The following MAST4 variants were observed in gnomAD, a reference collection of about 807,000 sequenced individuals.
MAST4 encodes the protein microtubule associated serine/threonine kinase family member 4, also known as microtubule-associated serine/threonine-protein kinase 4.
MAST4 carries 89 observed loss-of-function variants against 162.7 expected under a neutral mutation model. The observed-to-expected ratio is 0.55, with a 90% CI of 0.46 to 0.65. The LOEUF is 0.65. Ranked by LOEUF, MAST4 falls within the 30% of genes least tolerant of loss-of-function variation. The pLI is 0.00. For synonymous variants in MAST4, 1,479 were observed against 1,361.1 expected (o/e 1.09, Z -1.91); for missense variants, 3,153 against 3,374.0 (o/e 0.93, Z 1.62).
At chr5:67,056,548 C>T (rs1341936616) in intron 5 of MAST4, among the ~76,000 whole-genome samples, 8 of 152,106 alleles carry the variant, frequency 5.3e-5, no homozygotes, top group African/African-American at 9.7e-5. Context: ...AATATTGAGA[C>T]GACAGAACGT....
intron 1 of MAST4, among the ~76,000 whole-genome samples, chr5:66,607,795 A>G (rs1399823894): frequency 6.6e-6 from 1 of 152,208 alleles, no homozygotes; most frequent in Non-Finnish European, 1.5e-5. Context: ...ATTACAAAAT[A>G]TTACCTTTAA....
chr5:66,721,687 G>A (rs545951658), intron 1 of MAST4, among the ~76,000 whole-genome samples: 1 of 150,108 alleles, frequency 6.7e-6, no homozygotes, highest in Admixed American at 6.7e-5. Context: ...GATCTCTCAC[G>A]AACTCCAGAT....
intron 1 of MAST4, among the ~76,000 whole-genome samples, chr5:66,653,030 C>G (rs894118474): frequency 6.6e-6 from 1 of 152,168 alleles, no homozygotes; most frequent in Non-Finnish European, 1.5e-5. Flanking sequence ...CATAACTTTT[C>G]AAAAGGGCAG....
rs1764470436 is a variant in MAST4 at position 67,096,348 on chromosome 5, A to T, written c.912+673A>T. Among the ~76,000 whole-genome samples, 2 of 152,178 alleles carry T rather than the reference A, an allele frequency of 1.3e-5. 1 individual carries two copies. Among genetic ancestry groups the T allele is most frequent in the South Asian group, 4.1e-4 (2 of 4,834 alleles). ...GTTTTTTTAGTTTATGTTAGTGATC[A>T]TGTGGGATAACTGTATCTGCAGGGC... is the stretch of plus-strand genomic sequence containing the variant. On this transcript the variant is annotated intron_variant, in intron 7 of 28. Coordinates refer to ENST00000403625, the MANE Select transcript of MAST4 (RefSeq NM_001164664.2).
At chr5:66,815,820 C>G (rs1053733605) in intron 3 of MAST4, among the ~76,000 whole-genome samples, 3 of 152,202 alleles carry the variant, frequency 2.0e-5, no homozygotes, top group Middle Eastern at 3.2e-3. Flanking sequence ...GTACAATTAA[C>G]AGGCTCCTCA....
intron 3 of MAST4, among the ~76,000 whole-genome samples, chr5:66,881,659 G>T (rs151251053): frequency 6.6e-6 from 1 of 152,314 alleles, no homozygotes; most frequent in African/African-American, 2.4e-5. Context: ...AATTTGCCAA[G>T]ATAGGATTAG....
chr5:67,102,469 T>TC, intron 8 of MAST4, 67 bp from the exon 9 acceptor site: 1 of 1,406,078 alleles, frequency 7.1e-7, no homozygotes, highest in South Asian at 1.2e-5. Context: ...TGACTGTTTA[T>TC]AAATAAAAAG....
chr5:66,825,212 A>G (rs1757182492), intron 3 of MAST4, among the ~76,000 whole-genome samples: 1 of 151,270 alleles, frequency 6.6e-6, no homozygotes, highest in African/African-American at 2.4e-5. Context: ...GCTTTTTTCT[A>G]TTTAGAAATG....
chr5:67,004,897 T>A, intron 4 of MAST4: 1 of 685,900 alleles, frequency 1.5e-6, no homozygotes, highest in Non-Finnish European at 2.7e-6. Flanking sequence ...ATTGGGATTT[T>A]TTTTTTATTT....
intron 1 of MAST4, among the ~76,000 whole-genome samples, chr5:66,741,059 C>A (rs1213908740): frequency 6.6e-6 from 1 of 152,294 alleles, no homozygotes; most frequent in South Asian, 2.1e-4. Context: ...ATTGCTCACC[C>A]ACCTTGCTTG....
intron 1 of MAST4, among the ~76,000 whole-genome samples, chr5:66,607,587 A>G (rs1188144738): frequency 1.3e-5 from 2 of 152,188 alleles, no homozygotes; most frequent in African/African-American, 4.8e-5. Flanking sequence ...ATTGGGCTGT[A>G]CTCAGTTCTC....
At chr5:66,721,022 C>A (rs1357532233) in intron 1 of MAST4, among the ~76,000 whole-genome samples, 1 of 152,114 alleles carries the variant, frequency 6.6e-6, no homozygotes, top group Non-Finnish European at 1.5e-5. Context: ...TAGAGCCAGT[C>A]CTTTCCTGTT....
At chr5:66,885,134 T>C (rs186022652) in intron 3 of MAST4, among the ~76,000 whole-genome samples, 1 of 152,296 alleles carries the variant, frequency 6.6e-6, no homozygotes, top group African/African-American at 2.4e-5. Flanking sequence ...CTATGTGGAA[T>C]AGGGGGTTTT....
chr5:66,984,844 C>T (rs563833968), intron 4 of MAST4, among the ~76,000 whole-genome samples: 1 of 152,090 alleles, frequency 6.6e-6, no homozygotes, highest in South Asian at 2.1e-4. Flanking sequence ...GATCACGGTT[C>T]TGTTTACACA....
intron 1 of MAST4, among the ~76,000 whole-genome samples, chr5:66,675,430 C>T (rs1054050835): frequency 6.6e-6 from 1 of 152,180 alleles, no homozygotes; most frequent in Non-Finnish European, 1.5e-5. Context: ...AGAGGAAATT[C>T]ATCCTTTTTG....
intron 1 of MAST4, among the ~76,000 whole-genome samples, chr5:66,659,329 TGGG>T (rs1225302916): frequency 3.3e-5 from 5 of 152,226 alleles, no homozygotes; most frequent in African/African-American, 1.2e-4. Context: ...GTAGCAAGGC[TGGG>T]ACTTGAACGT....
chr5:67,049,045 GTA>G (rs1376142250), intron 4 of MAST4, among the ~76,000 whole-genome samples: 11 of 100,506 alleles, frequency 1.1e-4, no homozygotes, highest in South Asian at 3.0e-4. Context: ...ATATATACGT[GTA>G]TATATATATA....
intron 3 of MAST4, among the ~76,000 whole-genome samples, chr5:66,831,476 A>G (rs1757592257): frequency 6.6e-6 from 1 of 152,236 alleles, no homozygotes; most frequent in Admixed American, 6.5e-5. Flanking sequence ...TTAGTATAAA[A>G]TGATGCAGTA....
At chr5:66,604,128 G>A (rs1742728205) in intron 1 of MAST4, among the ~76,000 whole-genome samples, 1 of 152,222 alleles carries the variant, frequency 6.6e-6, no homozygotes, top group Non-Finnish European at 1.5e-5. Flanking sequence ...GTTCAGGACT[G>A]TGGTCCTTGG....
Sources: allele counts gnomAD v4.1 joint callset (sites outside exome capture counted in the v4.1 genomes callset), GRCh38; gene constraint gnomAD v4.1.1; transcripts MANE v1.5; gene names NCBI Gene and HGNC (gene_info 2026-07-23, HGNC 2026-07-21).